MYH16: variants seen among roughly 807,000 people sequenced by gnomAD.
The protein encoded by MYH16 is putative uncharacterized protein MYH16.
At chr7:99,273,691 T>G (rs763569797) in intron 20 of MYH16, among the ~76,000 whole-genome samples, 20 of 151,668 alleles carry the variant, frequency 1.3e-4, no homozygotes, top group Non-Finnish European at 2.8e-4. Flanking sequence ...GCCAGGAGTT[T>G]GAGACCAGCC....
chr7:99,278,341 G>GT (rs1396758505), intron 21 of MYH16, among the ~76,000 whole-genome samples: 1 of 152,194 alleles, frequency 6.6e-6, no homozygotes, highest in Admixed American at 6.5e-5. Flanking sequence ...ACGAGATGGG[G>GT]TGAGAACAGC....
At chr7:99,287,349 A>G (rs1396409948) in intron 28 of MYH16, among the ~76,000 whole-genome samples, 5 of 151,884 alleles carry the variant, frequency 3.3e-5, no homozygotes, top group Admixed American at 1.3e-4. Context: ...CCTGGTAAAC[A>G]TGGTGAAACC....
chr7:99,253,362 T>A (rs1045522099), intron 7 of MYH16: 1 of 151,408 alleles, frequency 6.6e-6, no homozygotes, highest in Non-Finnish European at 1.5e-5. Context: ...AATAAATAAA[T>A]AAAAATAAAT....
intron 2 of MYH16, among the ~76,000 whole-genome samples, chr7:99,246,421 G>T (rs1791730909): frequency 6.6e-6 from 1 of 151,934 alleles, no homozygotes; most frequent in African/African-American, 2.4e-5. Context: ...AGTACTATAG[G>T]CTGGGCGCAG....
At chr7:99,266,791 A>G (rs1791992406) in intron 17 of MYH16, 1 of 152,668 alleles carries the variant, frequency 6.6e-6, no homozygotes, top group Non-Finnish European at 1.5e-5. Context: ...AACCGCATGA[A>G]CATGTTTTAT....
intron 19 of MYH16, 70 bp from the exon 2 acceptor site, chr7:99,273,272 C>T (rs1211828834): frequency 2.2e-6 from 1 of 453,508 alleles, no homozygotes; most frequent in Non-Finnish European, 4.4e-6. Context: ...CCAGGCCCCA[C>T]CCCTTCCCCA....
exon 38 of MYH16, chr7:99,301,797 A>G (rs1238027079): frequency 6.5e-6 from 1 of 152,906 alleles, no homozygotes; most frequent in Non-Finnish European, 1.5e-5. Flanking sequence ...AACGAGATCA[A>G]CATCCAGGTA....
At chr7:99,288,376 C>T (rs1036539705) in intron 29 of MYH16, among the ~76,000 whole-genome samples, 2 of 152,120 alleles carry the variant, frequency 1.3e-5, no homozygotes. Context: ...GGGGTTGAGA[C>T]TGCAGTGAGT....
intron 29 of MYH16, among the ~76,000 whole-genome samples, chr7:99,288,959 A>G (rs1792327372): frequency 6.6e-6 from 1 of 152,022 alleles, no homozygotes; most frequent in Non-Finnish European, 1.5e-5. Flanking sequence ...AAAAAAATAA[A>G]ACTAATTAGC....
chr7:99,279,675 G>A (rs775411644), exon 22 of MYH16: 29 of 456,500 alleles, frequency 6.4e-5, no homozygotes, highest in Non-Finnish European at 1.1e-4. Flanking sequence ...GGAGCTGAGC[G>A]ACCTGAAGCG....
At position 99,258,981 on chromosome 7, in the gene MYH16, G is replaced by A. The variant is rs117719437; in HGVS notation, n.1404+591G>A. ...TCATGGTGAAAGGCAAAGGGGAAGC[G>A]GGCACATCTTACATGGTGGCAGGAG... is the stretch of plus-strand genomic sequence containing the variant. On this transcript the variant is annotated intron_variant and non_coding_transcript_variant, in intron 11 of 41. Transcript: ENST00000439784. Among the ~76,000 whole-genome samples the A allele has an allele frequency of 8.2e-3, 1,245 of 152,236 alleles. 6 individuals are homozygous for A. The highest frequency in any genetic ancestry group is 0.024 in the Middle Eastern group (7 of 294).
exon 23 of MYH16, chr7:99,280,898 C>A: frequency 2.4e-6 from 1 of 416,716 alleles, no homozygotes; most frequent in South Asian, 1.7e-5. Context: ...AAGGTCCGTA[C>A]CCTGACGGGG....
At chr7:99,289,400 C>G in exon 30 of MYH16, 1 of 435,282 alleles carries the variant, frequency 2.3e-6, no homozygotes, top group South Asian at 1.6e-5. Context: ...GGACCCGCCT[C>G]CAAGGTGAGC....
intron 23 of MYH16, 127 bp from the exon 6 acceptor site, chr7:99,283,438 C>T: frequency 2.5e-6 from 1 of 398,736 alleles, no homozygotes; most frequent in Admixed American, 2.8e-5. Flanking sequence ...AGTACCTACT[C>T]ACTGAAGTCA....
At chr7:99,251,817 A>C (rs1791811441) in intron 6 of MYH16, among the ~76,000 whole-genome samples, 1 of 152,126 alleles carries the variant, frequency 6.6e-6, no homozygotes, top group South Asian at 2.1e-4. Flanking sequence ...TCTATAAAAA[A>C]TAAAAATTAG....
chr7:99,248,175 C>T (rs967877045), intron 3 of MYH16, among the ~76,000 whole-genome samples: 19 of 152,090 alleles, frequency 1.2e-4, no homozygotes, highest in Non-Finnish European at 4.4e-5. Context: ...TGCAATAGCT[C>T]ACTGCAACCT....
intron 23 of MYH16, among the ~76,000 whole-genome samples, chr7:99,281,192 A>G (rs17660610): frequency 0.022 from 3,422 of 152,254 alleles, 52 homozygotes; most frequent in South Asian, 0.047. Context: ...CAAGTTTGTT[A>G]TAAGTGGGGT....
chr7:99,256,754 G>A (rs1221094346), intron 9 of MYH16, among the ~76,000 whole-genome samples: 4 of 152,178 alleles, frequency 2.6e-5, no homozygotes, highest in Admixed American at 6.5e-5. Flanking sequence ...CAGACTGGGC[G>A]ACAGAGGGAG....
rs1224081478 is a variant in MYH16, at chr7:99,297,651, CTA to C, written n.4500-7_4500-6del. ...CCGAGTCTTATTAACATGAATATTT[CTA>C]TCTCAGAGGAGATAAAGGATCTCAT... On this transcript the variant is annotated splice_polypyrimidine_tract_variant and splice_region_variant and intron_variant and non_coding_transcript_variant, in intron 34 of 41. Coordinates refer to ENST00000439784, the Ensembl canonical transcript of MYH16. 2.2e-5 allele frequency: 10 copies of C among 455,388 alleles called. No individual in the cohort carries two copies. Among genetic ancestry groups the C allele is most frequent in the Non-Finnish European group, 4.0e-5 (9 of 226,706 alleles). 28.2% of individuals were successfully genotyped at this position (455,388 alleles called of 1,614,324 possible). A position where few individuals can be genotyped will look rare whatever the true frequency, so the allele number is the denominator to read the frequency against.
Sources: allele counts gnomAD v4.1 joint callset (sites outside exome capture counted in the v4.1 genomes callset), GRCh38; gene constraint gnomAD v4.1.1; transcripts MANE v1.5; gene names NCBI Gene and HGNC (gene_info 2026-07-23, HGNC 2026-07-21).